SLC35A1: variants seen among roughly 807,000 people sequenced by gnomAD.
SLC35A1 encodes solute carrier family 35 member A1.
Under a neutral mutation model 40.3 loss-of-function variants are expected in SLC35A1, and 21 were observed. The observed-to-expected ratio is 0.52, with a 90% CI of 0.37 to 0.75. The LOEUF (loss-of-function observed/expected upper bound fraction) is 0.75. Among genes scored for constraint, SLC35A1 ranks in the 30% least tolerant of loss-of-function variants. The pLI is 0.00. For missense variants in SLC35A1, 297 were observed against 382.1 expected, an observed-to-expected ratio of 0.78 and a Z score of 1.86; for synonymous variants, 146 against 147.3, an observed-to-expected ratio of 0.99 and a Z score of 0.06.
At chr6:87,485,573 G>A (rs1318350133) in intron 2 of SLC35A1, among the ~76,000 whole-genome samples, 1 of 152,012 alleles carries the variant, frequency 6.6e-6, no homozygotes, top group Non-Finnish European at 1.5e-5. Flanking sequence ...AGACCAGCCT[G>A]TCAACATGGT....
chr6:87,487,683 C>G (rs1769426700), intron 2 of SLC35A1, among the ~76,000 whole-genome samples: 1 of 152,090 alleles, frequency 6.6e-6, no homozygotes, highest in South Asian at 2.1e-4. Flanking sequence ...TGCTTGGGAG[C>G]CATTTAAACA....
chr6:87,498,781 A>G (rs1363893163), intron 2 of SLC35A1, among the ~76,000 whole-genome samples: 1 of 152,200 alleles, frequency 6.6e-6, no homozygotes, highest in South Asian at 2.1e-4. Flanking sequence ...AAAAAAACAA[A>G]ACAAAACAAC....
At chr6:87,496,782 A>C (rs1769739717) in intron 2 of SLC35A1, among the ~76,000 whole-genome samples, 1 of 138,412 alleles carries the variant, frequency 7.2e-6, no homozygotes, top group South Asian at 2.3e-4. Context: ...TCCATCTCAA[A>C]AAAAAAAAAA....
At chr6:87,504,092 C>G (rs1199604541) in intron 4 of SLC35A1, among the ~76,000 whole-genome samples, 1 of 152,002 alleles carries the variant, frequency 6.6e-6, no homozygotes, top group Non-Finnish European at 1.5e-5. Context: ...GAGTTCAAGA[C>G]CAGCCTGGGT....
At position 87,501,947 on chromosome 6, in the gene SLC35A1, CAAAGAG is replaced by C. The variant is rs555414976; in HGVS notation, c.507+641_507+646del. On this transcript the variant is annotated intron_variant, in intron 4 of 7. Transcript: ENST00000369552. ...TGTATGCCTCAATCAGTTATTTCCCCAAAGAGAAACAGGAAATGGGATGCCAGTGAA... is the reference window on the plus strand; with the variant it reads ...TGTATGCCTCAATCAGTTATTTCCCCAAACAGGAAATGGGATGCCAGTGAA... 2.3e-3 allele frequency among the ~76,000 whole-genome samples: 350 copies of C among 152,160 alleles called. 1 individual carries two copies. The highest frequency in any genetic ancestry group is 7.4e-3 in the African/African-American group (309 of 41,492).
chr6:87,499,016 C>A, intron 2 of SLC35A1: 1 of 412,216 alleles, frequency 2.4e-6, no homozygotes, highest in Non-Finnish European at 3.3e-6. Flanking sequence ...ATAGACTTAA[C>A]ACTGTGGTGT....
chr6:87,474,761 C>A (rs1430134971), intron 1 of SLC35A1, among the ~76,000 whole-genome samples: 1 of 152,094 alleles, frequency 6.6e-6, no homozygotes, highest in Non-Finnish European at 1.5e-5. Flanking sequence ...CATGTCAAAG[C>A]CCAATCTGTT....
At chr6:87,474,607 T>C (rs950137047) in intron 1 of SLC35A1, among the ~76,000 whole-genome samples, 1 of 152,218 alleles carries the variant, frequency 6.6e-6, no homozygotes, top group Non-Finnish European at 1.5e-5. Context: ...TAATTGAAAT[T>C]GCTAATAACT....
chr6:87,494,210 G>C (rs1216628963), intron 2 of SLC35A1, among the ~76,000 whole-genome samples: 1 of 151,930 alleles, frequency 6.6e-6, no homozygotes, highest in African/African-American at 2.4e-5. Flanking sequence ...CTGTACTGAT[G>C]GGCATTTGGG....
intron 2 of SLC35A1, among the ~76,000 whole-genome samples, chr6:87,489,928 A>G (rs988629779): frequency 6.6e-6 from 1 of 151,784 alleles, no homozygotes; most frequent in African/African-American, 2.4e-5. Context: ...AGAGAACTCT[A>G]TTAAACATTG....
chr6:87,501,321 A>C lies in SLC35A1; in HGVS notation c.507+11A>C. 6.2e-7 allele frequency: 1 copy of C among 1,612,330 alleles called. No individual in the cohort carries two copies. The highest frequency in any genetic ancestry group is 8.5e-7 in the Non-Finnish European group (1 of 1,178,878). ...GCTACAAAAGTGGTGGTAAGAAACA[A>C]AATGCACACCATAACTTCCCATAAA... On this transcript the variant is annotated intron_variant, in intron 4 of 7. Coordinates refer to ENST00000369552, the MANE Select transcript of SLC35A1 (RefSeq NM_006416.5).
intron 2 of SLC35A1, among the ~76,000 whole-genome samples, chr6:87,496,825 TC>T (rs1769747276): frequency 6.7e-6 from 1 of 149,640 alleles, no homozygotes; most frequent in East Asian, 1.9e-4. Flanking sequence ...AAATATAAGT[TC>T]CGGAAAATGG....
At chr6:87,503,459 G>T (rs1193110371) in intron 4 of SLC35A1, among the ~76,000 whole-genome samples, 1 of 152,128 alleles carries the variant, frequency 6.6e-6, no homozygotes, top group East Asian at 1.9e-4. Flanking sequence ...GTTCTGTGTT[G>T]TCTATAAAAA....
chr6:87,476,810 G>T (rs1281245721), intron 1 of SLC35A1, among the ~76,000 whole-genome samples: 1 of 152,040 alleles, frequency 6.6e-6, no homozygotes, highest in African/African-American at 2.4e-5. Flanking sequence ...CGGATCACTT[G>T]AGGTCAGGAG....
chr6:87,502,045 T>C (rs1252086741), intron 4 of SLC35A1, among the ~76,000 whole-genome samples: 2 of 152,174 alleles, frequency 1.3e-5, no homozygotes, highest in Non-Finnish European at 2.9e-5. Flanking sequence ...AAACAGACTA[T>C]GGTTCTCTTA....
chr6:87,509,259 A>T, intron 7 of SLC35A1, 84 bp downstream of exon 7: 1 of 1,532,806 alleles, frequency 6.5e-7, no homozygotes, highest in Non-Finnish European at 9.0e-7. Context: ...TAAAAGTGGC[A>T]GTTGGTCATA....
At chr6:87,494,074 CTTTTT>C (rs71018023) in intron 2 of SLC35A1, among the ~76,000 whole-genome samples, 18,301 of 148,518 alleles carry the variant, frequency 0.12, 1,184 homozygotes, top group African/African-American at 0.16. Context: ...CCCCACTTTC[CTTTTT>C]TTTTTTTTAA....
At chr6:87,499,295 T>G (rs1433673831) in intron 2 of SLC35A1, 1 of 170,578 alleles carries the variant, frequency 5.9e-6, no homozygotes. Context: ...AAATACAGAA[T>G]CTCATTGTAA....
At chr6:87,479,140 C>CTG (rs1769174315) in intron 2 of SLC35A1, among the ~76,000 whole-genome samples, 1 of 152,232 alleles carries the variant, frequency 6.6e-6, no homozygotes, top group Non-Finnish European at 1.5e-5. Flanking sequence ...ATTGAACATA[C>CTG]TGACATACTG....
Sources: gnomAD v4.1 joint callset for allele counts (sites outside exome capture counted in the v4.1 genomes callset) on GRCh38, gnomAD v4.1.1 for gene constraint, MANE v1.5 for transcripts, NCBI Gene and HGNC (gene_info 2026-07-23, HGNC 2026-07-21) for gene names.